Variants in HERC1 observed in about 807,000 individuals in gnomAD.
HERC1 encodes the protein HECT and RLD domain containing E3 ubiquitin protein ligase family member 1.
Under a neutral mutation model 554.3 loss-of-function variants are expected in HERC1, and 160 were observed. That is an observed-to-expected ratio of 0.29 (90% CI 0.25 to 0.33). The LOEUF (loss-of-function observed/expected upper bound fraction) is 0.33, where lower values mean the gene tolerates loss of function less well. HERC1 is among the 10% of genes least tolerant of loss of function. HERC1 has a pLI of 1.00. For synonymous variants in HERC1, 2,175 were observed against 2,131.7 expected, an observed-to-expected ratio of 1.02 and a Z score of -0.56; for missense variants, 4,919 against 5,918.5, an observed-to-expected ratio of 0.83 and a Z score of 5.54.
intron 25 of HERC1, among the ~76,000 whole-genome samples, chr15:63,701,029 G>T (rs908369587): frequency 1.3e-5 from 2 of 150,984 alleles, no homozygotes; most frequent in South Asian, 2.1e-4. Flanking sequence ...TTTTTGGGGG[G>T]GTGTTTTTTT....
chr15:63,832,911 AGTTT>A (rs1355190293), intron 1 of HERC1, among the ~76,000 whole-genome samples: 4 of 152,256 alleles, frequency 2.6e-5, no homozygotes, highest in African/African-American at 7.2e-5. Context: ...AAGATGGGTT[AGTTT>A]GTTCAGATTT....
chr15:63,730,101 T>C (rs1297819118), intron 14 of HERC1, among the ~76,000 whole-genome samples: 2 of 150,130 alleles, frequency 1.3e-5, no homozygotes, highest in Non-Finnish European at 3.0e-5. Context: ...ATAACCCTTA[T>C]GATACTAGCT....
At chr15:63,654,385 C>G (rs1032064557) in intron 50 of HERC1, 61 bp from the exon 51 acceptor site, 1 of 1,271,068 alleles carries the variant, frequency 7.9e-7, no homozygotes, top group Non-Finnish European at 1.1e-6. Context: ...CCTGCTTAAA[C>G]AAAACATGAA....
At chr15:63,635,204 C>T (rs866732646) in intron 65 of HERC1, among the ~76,000 whole-genome samples, 3 of 152,120 alleles carry the variant, frequency 2.0e-5, no homozygotes, top group Admixed American at 6.5e-5. Context: ...TGTGCTACCA[C>T]ACCTGGCTAT....
intron 67 of HERC1, 65 bp from the exon 68 acceptor site, chr15:63,632,876 A>C: frequency 9.0e-7 from 1 of 1,107,064 alleles, no homozygotes; most frequent in Non-Finnish European, 1.3e-6. Context: ...GAATTTGCCT[A>C]ATGGCATGTA....
chr15:63,819,023 C>G (rs2077593783), intron 1 of HERC1, among the ~76,000 whole-genome samples: 1 of 152,186 alleles, frequency 6.6e-6, no homozygotes, highest in Non-Finnish European at 1.5e-5. Context: ...TGCCAATTAC[C>G]ATAAGCCATC....
Position 63,616,466 on chromosome 15 carries a change from A to T in HERC1, c.13905T>A (p.Ile4635=). ...TCTCCTCGGTAATCCCACTGTCTTCAATGTGAAGAATGCTGTTGAGAGTCT... is the reference window on the plus strand; with the variant it reads ...TCTCCTCGGTAATCCCACTGTCTTCTATGTGAAGAATGCTGTTGAGAGTCT... ...YVQTLNSILH[I]EDSGITEESF... The change falls in exon 75 of 78, where the codon ATT becomes ATA. Residue 4635 remains isoleucine, a synonymous_variant. Transcript: ENST00000443617. 4 of 1,613,946 alleles carry T rather than the reference A, an allele frequency of 2.5e-6. No individual in the cohort carries two copies. Among genetic ancestry groups the T allele is most frequent in the Non-Finnish European group, 3.4e-6 (4 of 1,179,880 alleles).
chr15:63,649,648 A>T, intron 54 of HERC1, 77 bp downstream of exon 54: 1 of 1,193,640 alleles, frequency 8.4e-7, no homozygotes, highest in Non-Finnish European at 1.2e-6. Flanking sequence ...TGGTATTTTT[A>T]AAAGCAAATG....
At position 63,674,958 on chromosome 15, in the gene HERC1, G is replaced by C; in HGVS notation, c.7230C>G (p.Ser2410Arg). Reference protein sequence around the residue: ...TGVHEDMGKQSTKRHEKKHRH... With the variant: ...TGVHEDMGKQRTKRHEKKHRH... ...GGTGTTTCTTTTCATGTCGTTTGGT[G>C]CTCTGTTTGCCCATGTCTTCATGAA... Residue 2410 changes from serine (S) to arginine (R), a missense_variant, in exon 38 of 78, where the codon AGC (serine) becomes AGG (arginine). By Grantham distance (110) the Ser-to-Arg change is moderately radical. Around this residue, in one of 11 missense-constraint regions of HERC1, gnomAD observed 1,963 missense variants for 2,228.6 expected, o/e 0.88. Coordinates refer to ENST00000443617, the MANE Select transcript of HERC1 (RefSeq NM_003922.4). 1 of 1,613,978 alleles carries C rather than the reference G, an allele frequency of 6.2e-7. No homozygotes were observed. Among genetic ancestry groups the C allele is most frequent in the South Asian group, 1.1e-5 (1 of 91,074 alleles).
In HERC1 at chr15:63,678,241, C is replaced by G. The variant is rs199985740; in HGVS notation, c.6674G>C (p.Arg2225Pro). ...ATIQLIRILHRTDRWTYCINK... is the reference protein window; with the variant it reads ...ATIQLIRILHPTDRWTYCINK... The stretch of plus-strand genomic sequence containing the variant: ...AATGCAGTAAGTCCAACGGTCTGTT[C>G]GGTGAAGGATACGGATGAGCTGAAT... Residue 2225 changes from arginine to proline, a missense_variant, in exon 37 of 78, where the codon CGA becomes CCA. Physicochemically the swap from Arg to Pro is moderately radical, Grantham distance 103. Transcript: ENST00000443617. The G allele has an allele frequency of 1.9e-6, 3 of 1,613,666 alleles. No individual in the cohort carries two copies. The South Asian group carries it at 3.3e-5, about 18-fold the overall frequency.
chr15:63,771,684 C>T (rs1393044562), intron 2 of HERC1, among the ~76,000 whole-genome samples: 6 of 152,200 alleles, frequency 3.9e-5, no homozygotes, highest in East Asian at 3.9e-4. Flanking sequence ...CTGCCCGCCT[C>T]GGCCTCCCAA....
Position 63,658,598 on chromosome 15 carries a change from T to C in HERC1, c.9545A>G (p.Gln3182Arg), listed in dbSNP as rs911330170. 3 of 1,613,788 alleles carry C rather than the reference T, an allele frequency of 1.9e-6. No homozygotes were observed. The highest frequency in any genetic ancestry group is 2.5e-6 in the Non-Finnish European group (3 of 1,179,794). The change falls in exon 48 of 78, where the codon CAG becomes CGG. Residue 3182 changes from glutamine to arginine, a missense_variant. Gln to Arg is a conservative substitution (Grantham distance 43). Coordinates refer to ENST00000443617, the MANE Select transcript of HERC1 (RefSeq NM_003922.4). The stretch of plus-strand genomic sequence containing the variant: ...GACCATGGTTCTGGCCAGAAGAACC[T>C]GAGCAGCAGCAGTCACTCTCCTTAA... Reference protein sequence around the residue: ...VALRRVTAAAQVLLARTMVMR... With the variant: ...VALRRVTAAARVLLARTMVMR...
At chr15:63,797,250 A>G (rs1027976684) in intron 1 of HERC1, among the ~76,000 whole-genome samples, 15 of 152,208 alleles carry the variant, frequency 9.9e-5, no homozygotes, top group African/African-American at 3.6e-4. Flanking sequence ...AGTTTCTATC[A>G]TCCCTTACTG....
At chr15:63,818,983 T>G (rs1317845267) in intron 1 of HERC1, among the ~76,000 whole-genome samples, 1 of 152,238 alleles carries the variant, frequency 6.6e-6, no homozygotes, top group Non-Finnish European at 1.5e-5. Context: ...ACGCCTAGGC[T>G]TTTGGTATAA....
intron 19 of HERC1, among the ~76,000 whole-genome samples, chr15:63,720,102 C>CTTTTTTTTTTTTTTTTTT (rs1214451219): frequency 9.5e-5 from 2 of 20,960 alleles, no homozygotes; most frequent in African/African-American, 2.5e-4. Flanking sequence ...CTTTTTCTTC[C>CTTTTTTTTTTTTTTTTTT]CTTTTTTTTT....
In HERC1 at chr15:63,767,602, G is replaced by A. The variant is rs565253862; in HGVS notation, c.931-3411C>T. The stretch of plus-strand genomic sequence containing the variant: ...AGTCCCAGCCACTGGGGAGGCTGGG[G>A]CAGGAGAATCACTTGAACCCAGGAG... On this transcript the variant is annotated intron_variant, in intron 2 of 77. Transcript: ENST00000443617. Among the ~76,000 whole-genome samples, 12 of 152,158 alleles carry A rather than the reference G, an allele frequency of 7.9e-5. No individual in the cohort carries two copies. The South Asian group carries it at 2.5e-3, about 32-fold the overall frequency.
chr15:63,700,782 T>C (rs2072676562), intron 25 of HERC1, among the ~76,000 whole-genome samples: 1 of 150,586 alleles, frequency 6.6e-6, no homozygotes, highest in African/African-American at 2.4e-5. Context: ...ACCTAAAAAT[T>C]TCCCCAAATT....
chr15:63,810,313 C>T (rs4776693), intron 1 of HERC1, among the ~76,000 whole-genome samples: 123,544 of 152,138 alleles, frequency 0.81, 51,990 homozygotes, highest in Non-Finnish European at 0.87. Context: ...GTGGTGTATA[C>T]ACATACACTG....
chr15:63,707,534 T>C (rs1191766526), intron 24 of HERC1, among the ~76,000 whole-genome samples: 3 of 152,172 alleles, frequency 2.0e-5, no homozygotes, highest in Admixed American at 6.5e-5. Context: ...ACAAATCATA[T>C]ATGACTTAAG....
Sources: allele counts gnomAD v4.1 joint callset (sites outside exome capture counted in the v4.1 genomes callset), GRCh38; gene constraint gnomAD v4.1.1; regional missense constraint gnomAD v4.1.1; transcripts MANE v1.5; gene names NCBI Gene and HGNC (gene_info 2026-07-23, HGNC 2026-07-21).